The following FAM209A variants were observed in gnomAD, a reference collection of about 807,000 sequenced individuals.
The protein encoded by FAM209A is family with sequence similarity 209 member A.
In FAM209A, 4 loss-of-function variants were observed where a neutral mutation model predicts 9.8. The observed-to-expected ratio is 0.41, with a 90% CI of 0.20 to 0.94. The LOEUF is 0.94. Among genes scored for constraint, FAM209A ranks in the 40% least tolerant of loss-of-function variants. FAM209A has a pLI of 0.32. For synonymous variants in FAM209A, 55 were observed against 77.8 expected, an observed-to-expected ratio of 0.71 and a Z score of 1.54; for missense variants, 205 against 209.4, an observed-to-expected ratio of 0.98 and a Z score of 0.13.
chr20:56,526,079 G>T lies in FAM209A; in HGVS notation c.*9G>T, dbSNP rs1331557401. The T allele has an allele frequency of 1.9e-6, 3 of 1,574,544 alleles. No homozygotes were observed. Among genetic ancestry groups the T allele is most frequent in the Non-Finnish European group, 2.6e-6 (3 of 1,161,158 alleles). ...AAGAAAGCTCTAGCTGAATGGATTTGTGTGTCAGGAGAGAAAAAAGTTGAG... is the reference window on the plus strand; with the variant it reads ...AAGAAAGCTCTAGCTGAATGGATTTTTGTGTCAGGAGAGAAAAAAGTTGAG... On this transcript the variant is annotated 3_prime_UTR_variant, in exon 2 of 2. Coordinates refer to ENST00000371328, the MANE Select transcript of FAM209A (RefSeq NM_001012971.4).
chr20:56,530,013 T>TCTGTCTCAAAATG (rs926386633), downstream of FAM209A, among the ~76,000 whole-genome samples: 1 of 152,036 alleles, frequency 6.6e-6, no homozygotes, highest in Non-Finnish European at 1.5e-5. Flanking sequence ...ACAGCAAGAC[T>TCTGTCTCAAAATG]CTGTCTCAAA....
rs1205677185 is a variant in FAM209A at position 56,525,944 on chromosome 20, G to A, written c.390G>A (p.Val130=). The change falls in exon 2 of 2, where the codon GTG becomes GTA. Residue 130 remains valine (V), a synonymous_variant. Coordinates refer to ENST00000371328, the MANE Select transcript of FAM209A (RefSeq NM_001012971.4). ...AGCTTATGAAATTTGTGTCCAAAGT[G>A]CGGAATCTTAAACGTGCCATGGCAA... ...EVELMKFVSK[V]RNLKRAMATG... 10 of 1,614,202 alleles carry A rather than the reference G, an allele frequency of 6.2e-6. No individual in the cohort carries two copies. In the South Asian group the frequency reaches 9.9e-5, roughly 16 times the overall value.
At chr20:56,526,868 A>G (rs578259351), downstream of FAM209A, among the ~76,000 whole-genome samples, 43 of 152,180 alleles carry the variant, frequency 2.8e-4, 1 homozygote, top group Admixed American at 1.2e-3. Flanking sequence ...GGAGTTTGAA[A>G]CCACCCTGGG....
At chr20:56,526,163 T>G (rs1484227498), downstream of FAM209A, 11 of 1,473,782 alleles carry the variant, frequency 7.5e-6, no homozygotes, top group Admixed American at 1.9e-4. Context: ...CTTCCATGTT[T>G]GAGAGCTTGC....
the FAM209A span, among the ~76,000 whole-genome samples, chr20:56,532,729 G>A: frequency 2.6e-5 from 4 of 151,512 alleles, no homozygotes; most frequent in African/African-American, 7.3e-5. Context: ...TAATCTGCCC[G>A]CCTCAGCCTC....
At chr20:56,532,686 G>A in the FAM209A span, among the ~76,000 whole-genome samples, 2 of 151,632 alleles carry the variant, frequency 1.3e-5, no homozygotes, top group South Asian at 2.1e-4. Flanking sequence ...GTTTCACCAC[G>A]TTGGACAGGA....
chr20:56,529,810 C>T (rs555604918), downstream of FAM209A, among the ~76,000 whole-genome samples: 15 of 152,088 alleles, frequency 9.9e-5, no homozygotes, highest in Non-Finnish European at 1.0e-4. Flanking sequence ...GCCTGGGCAA[C>T]AGAGACTCCA....
downstream of FAM209A, among the ~76,000 whole-genome samples, chr20:56,531,141 C>T (rs902381688): frequency 2.0e-5 from 3 of 152,052 alleles, no homozygotes; most frequent in Non-Finnish European, 2.9e-5. Flanking sequence ...GGATTCAGCC[C>T]CTTCCCATTT....
the FAM209A span, chr20:56,533,482 C>A: frequency 6.2e-7 from 1 of 1,609,332 alleles, no homozygotes; most frequent in Non-Finnish European, 8.5e-7. Flanking sequence ...TTCGGCAGAA[C>A]CTACCAGAGC....
chr20:56,526,202 A>C (rs562677546), downstream of FAM209A: 1 of 1,284,868 alleles, frequency 7.8e-7, no homozygotes, highest in African/African-American at 1.5e-5. Context: ...TAGAAGAAAA[A>C]GTGAATGGGA....
chr20:56,533,340 C>T, the FAM209A span: 1 of 1,613,902 alleles, frequency 6.2e-7, no homozygotes, highest in African/African-American at 1.3e-5. Flanking sequence ...TCTCTGCTCA[C>T]CATGTGGACG....
downstream of FAM209A, among the ~76,000 whole-genome samples, chr20:56,526,480 A>G (rs1307949173): frequency 1.3e-5 from 2 of 152,138 alleles, no homozygotes; most frequent in African/African-American, 4.8e-5. Flanking sequence ...AGACAGCATT[A>G]ATGATAGTTT....
the FAM209A span, chr20:56,533,327 C>T: frequency 3.1e-6 from 5 of 1,613,000 alleles, no homozygotes; most frequent in African/African-American, 1.3e-5. Flanking sequence ...ACTCCCTTCC[C>T]CATCTCTGCT....
At chr20:56,531,646 AAC>A in the FAM209A span, among the ~76,000 whole-genome samples, 1 of 149,226 alleles carries the variant, frequency 6.7e-6, no homozygotes, top group Non-Finnish European at 1.5e-5. Context: ...TCTTTTCTGA[AAC>A]ACAGTCTCAC....
chr20:56,525,560 A>T (rs1361170655), intron 1 of FAM209A, among the ~76,000 whole-genome samples: 1 of 152,170 alleles, frequency 6.6e-6, no homozygotes, highest in Non-Finnish European at 1.5e-5. Context: ...CAGGTAGAAA[A>T]GGAAGGGGAG....
the FAM209A span, among the ~76,000 whole-genome samples, chr20:56,531,183 C>G: frequency 3.9e-3 from 587 of 152,250 alleles, 3 homozygotes; most frequent in African/African-American, 0.013. Context: ...CTCCCCTGCT[C>G]TACTCAACCA....
chr20:56,533,479 G>A, the FAM209A span: 1 of 1,614,188 alleles, frequency 6.2e-7, no homozygotes, highest in South Asian at 1.1e-5. Context: ...GGATTCGGCA[G>A]AACCTACCAG....
chr20:56,527,253 T>G (rs540922505), downstream of FAM209A, among the ~76,000 whole-genome samples: 13 of 152,126 alleles, frequency 8.5e-5, no homozygotes, highest in Non-Finnish European at 1.6e-4. Context: ...TTTCCCACCT[T>G]TGGCGTTAGG....
chr20:56,528,275 CCT>C (rs1483246632), downstream of FAM209A, among the ~76,000 whole-genome samples: 1 of 151,214 alleles, frequency 6.6e-6, no homozygotes, highest in African/African-American at 2.4e-5. Flanking sequence ...GGCGTGAGAC[CCT>C]GTCTTCAAAA....
Sources: allele counts gnomAD v4.1 joint callset (sites outside exome capture counted in the v4.1 genomes callset), GRCh38; gene constraint gnomAD v4.1.1; transcripts MANE v1.5; gene names NCBI Gene and HGNC (gene_info 2026-07-23, HGNC 2026-07-21).